FRMD3: variants seen among roughly 807,000 people sequenced by gnomAD.
The protein encoded by FRMD3 is FERM domain-containing protein 3.
In FRMD3, 33 loss-of-function variants were observed where a neutral mutation model predicts 70.2. That is an observed-to-expected ratio of 0.47 (90% CI 0.36 to 0.63). FRMD3 has a LOEUF of 0.63. Among genes scored for constraint, FRMD3 ranks in the 20% least tolerant of loss-of-function variants. The probability of loss-of-function intolerance (pLI) is 0.00; values close to 1 mark genes in which losing one functional copy is unlikely to be tolerated. For synonymous variants in FRMD3, 279 were observed against 255.9 expected (o/e 1.09, Z -0.86); for missense variants, 632 against 711.4 (o/e 0.89, Z 1.27).
chr9:83,248,722 C>T (rs975636771), intron 13 of FRMD3, among the ~76,000 whole-genome samples: 3 of 152,312 alleles, frequency 2.0e-5, no homozygotes, highest in Middle Eastern at 6.8e-3. Flanking sequence ...CTCAAACTAA[C>T]CAACACTTCT....
At chr9:83,316,158 T>TTC (rs1318307599) in intron 6 of FRMD3, among the ~76,000 whole-genome samples, 25 of 127,422 alleles carry the variant, frequency 2.0e-4, no homozygotes, top group African/African-American at 8.9e-4. Flanking sequence ...CTTTTTTTTT[T>TTC]TTCTTTTTTT....
chr9:83,554,998 G>C, the FRMD3 span, among the ~76,000 whole-genome samples: 1 of 152,170 alleles, frequency 6.6e-6, no homozygotes, highest in African/African-American at 2.4e-5. Flanking sequence ...CCCTCTGGGG[G>C]CTTTGTCCCA....
chr9:83,416,778 T>G (rs1021407208), intron 1 of FRMD3, among the ~76,000 whole-genome samples: 18 of 136,050 alleles, frequency 1.3e-4, no homozygotes, highest in African/African-American at 5.4e-4. Context: ...TCTCTCTCTC[T>G]CTCTCTCTCA....
intron 3 of FRMD3, among the ~76,000 whole-genome samples, chr9:83,367,589 A>G (rs1824830422): frequency 6.6e-6 from 1 of 152,218 alleles, no homozygotes; most frequent in Non-Finnish European, 1.5e-5. Flanking sequence ...TCTGGAAGTG[A>G]GCATCAGCTC....
At chr9:83,526,255 A>C (rs957177777) in intron 1 of FRMD3, among the ~76,000 whole-genome samples, 3 of 152,156 alleles carry the variant, frequency 2.0e-5, no homozygotes, top group Non-Finnish European at 4.4e-5. Flanking sequence ...ATCACTTTGA[A>C]ATTCTTAATA....
chr9:83,419,199 A>G (rs902002175), intron 1 of FRMD3, among the ~76,000 whole-genome samples: 1 of 152,164 alleles, frequency 6.6e-6, no homozygotes, highest in African/African-American at 2.4e-5. Flanking sequence ...ACACTACTCT[A>G]GTTACAGGGC....
chr9:83,424,758 T>A (rs139048355), intron 1 of FRMD3, among the ~76,000 whole-genome samples: 1 of 152,338 alleles, frequency 6.6e-6, no homozygotes, highest in Non-Finnish European at 1.5e-5. Flanking sequence ...GATATATCTG[T>A]GATGTACATA....
intron 1 of FRMD3, among the ~76,000 whole-genome samples, chr9:83,391,476 T>C (rs776018392): frequency 3.9e-5 from 6 of 152,314 alleles, no homozygotes; most frequent in South Asian, 4.1e-4. Flanking sequence ...GGATGTACTA[T>C]AGGGAAGTAT....
rs1286011821 is a variant in FRMD3, at chr9:83,407,865, C to CATCTT, written c.148-18158_148-18157insAAGAT. On this transcript the variant is annotated intron_variant, in intron 1 of 13. Coordinates refer to ENST00000304195, the MANE Select transcript of FRMD3 (RefSeq NM_174938.6). ...TCTCTCTCTCTCTCTCTCTCTCTCT[C>CATCTT]TCTCTCTCATCTTTCTCTCTCTCTC... is the stretch of plus-strand genomic sequence containing the variant. Among the ~76,000 whole-genome samples the CATCTT allele has an allele frequency of 2.0e-4, 25 of 128,096 alleles. 1 individual carries two copies. The highest frequency in any genetic ancestry group is 7.0e-4 in the African/African-American group (18 of 25,682). The allele number at this position is 128,096 out of a possible 152,430, so 84.0% of individuals were successfully genotyped here. A position where few individuals can be genotyped will look rare whatever the true frequency, so the allele number is the denominator to read the frequency against.
chr9:83,331,939 A>AT (rs756189783), intron 6 of FRMD3: 1 of 711,958 alleles, frequency 1.4e-6, no homozygotes, highest in Non-Finnish European at 2.6e-6. Context: ...CAGAAGTGCT[A>AT]TGAATCACTT....
Position 83,415,383 on chromosome 9 carries a change from A to G in FRMD3, c.148-25675T>C, listed in dbSNP as rs543918339. On this transcript the variant is annotated intron_variant, in intron 1 of 13. Transcript: ENST00000304195. ...CCCTTTTAAAATACGCAGGAAATAG[A>G]TAAGTGAACAAGTACCACAACCAGT... is the stretch of plus-strand genomic sequence containing the variant. Among the ~76,000 whole-genome samples, 8 of 152,166 alleles carry G rather than the reference A, an allele frequency of 5.3e-5. No homozygotes were observed. The East Asian group carries it at 1.5e-3, about 29-fold the overall frequency.
Position 83,537,432 on chromosome 9 carries a change from T to C in FRMD3, c.147+653A>G, listed in dbSNP as rs1829920849. ...CTCCGAAACACTCAGACTTCACACA[T>C]TCCTTTCGAGGTAGCTCCAGTCCGG... is the stretch of plus-strand genomic sequence containing the variant. On this transcript the variant is annotated intron_variant, in intron 1 of 13. Transcript: ENST00000304195. This position sits in a 1 kb window ranked among gnomAD's most constrained non-coding sequence, Gnocchi z 4.1. Among the ~76,000 whole-genome samples the C allele has an allele frequency of 6.6e-6, 1 of 152,192 alleles. No individual in the cohort carries two copies. Among genetic ancestry groups the C allele is most frequent in the Non-Finnish European group, 1.5e-5 (1 of 68,034 alleles).
At chr9:83,430,710 G>A (rs72745072) in intron 1 of FRMD3, among the ~76,000 whole-genome samples, 3,765 of 152,112 alleles carry the variant, frequency 0.025, 73 homozygotes, top group Non-Finnish European at 0.039. Context: ...GTAGCCCCAC[G>A]TCCATATCTT....
At chr9:83,248,626 A>C (rs1832249875) in intron 13 of FRMD3, 110 bp from the exon 14 acceptor site, 1 of 1,162,650 alleles carries the variant, frequency 8.6e-7, no homozygotes, top group African/African-American at 1.5e-5. Flanking sequence ...CAATCTATGA[A>C]ATTATTCTGT....
intron 1 of FRMD3, among the ~76,000 whole-genome samples, chr9:83,416,646 T>C (rs1826449701): frequency 6.6e-6 from 1 of 152,216 alleles, no homozygotes; most frequent in Non-Finnish European, 1.5e-5. Context: ...TGGGACCACC[T>C]GGCCTTAAGT....
Position 83,247,054 on chromosome 9 carries a change from A to G in FRMD3, c.*864T>C, listed in dbSNP as rs1413901449. On this transcript the variant is annotated 3_prime_UTR_variant, in exon 14 of 14. Transcript: ENST00000304195. Reference sequence around the variant, plus strand: ...TAAACTCTCACTTTCTTTTTAAAACATCTGCTTCTCCAGCCAAAATATACG... The same window carrying G: ...TAAACTCTCACTTTCTTTTTAAAACGTCTGCTTCTCCAGCCAAAATATACG... The G allele has an allele frequency of 6.1e-6, 6 of 985,270 alleles. No homozygotes were observed. The highest frequency in any genetic ancestry group is 3.5e-5 in the African/African-American group (2 of 57,222). The allele number at this position is 985,270 out of a possible 1,614,324, so 61.0% of individuals were successfully genotyped here.
chr9:83,321,266 C>T (rs894310891), intron 6 of FRMD3, among the ~76,000 whole-genome samples: 3 of 152,040 alleles, frequency 2.0e-5, no homozygotes, highest in African/African-American at 7.2e-5. Context: ...ACTTCAAGTA[C>T]AATGTTAGGT....
chr9:83,560,845 A>G, the FRMD3 span, among the ~76,000 whole-genome samples: 1 of 152,212 alleles, frequency 6.6e-6, no homozygotes, highest in East Asian at 1.9e-4. Flanking sequence ...TTGATAACCT[A>G]TATGATGACA....
chr9:83,391,991 A>G (rs1825677964), intron 1 of FRMD3, among the ~76,000 whole-genome samples: 1 of 152,088 alleles, frequency 6.6e-6, no homozygotes, highest in Admixed American at 6.6e-5. Flanking sequence ...TCGCATGCAC[A>G]TTGAAGTTTG....
Sources: gnomAD v4.1 joint callset for allele counts (sites outside exome capture counted in the v4.1 genomes callset) on GRCh38, gnomAD v4.1.1 for gene constraint, Gnocchi (gnomAD v3.1) non-coding constraint, MANE v1.5 for transcripts, NCBI Gene and HGNC (gene_info 2026-07-23, HGNC 2026-07-21) for gene names.